Variants in SLC13A3 observed in about 807,000 individuals in gnomAD.
SLC13A3 encodes solute carrier family 13 member 3, also known as Na(+)/dicarboxylate cotransporter 3.
SLC13A3 carries 40 observed loss-of-function variants against 59.0 expected under a neutral mutation model. That is an observed-to-expected ratio of 0.68 (90% confidence interval 0.53 to 0.88). SLC13A3 has a LOEUF of 0.88. SLC13A3 is among the 40% of genes least tolerant of loss of function. The probability of loss-of-function intolerance (pLI) is 0.00; values close to 1 mark genes in which losing one functional copy is unlikely to be tolerated. For missense variants in SLC13A3, 699 were observed against 783.2 expected, an observed-to-expected ratio of 0.89 and a Z score of 1.28; for synonymous variants, 317 against 330.3, an observed-to-expected ratio of 0.96 and a Z score of 0.44.
Position 46,610,504 on chromosome 20 carries a change from A to G in SLC13A3, c.483T>C (p.Ser161=). 1.2e-6 allele frequency: 2 copies of G among 1,613,912 alleles called. No individual in the cohort carries two copies. Among genetic ancestry groups the G allele is most frequent in the Non-Finnish European group, 1.7e-6 (2 of 1,179,996 alleles). The part of the protein sequence containing the change: ...MLPIANAILK[S]LFGQKEVRKD... ...TTCGAACCTCCTTCTGGCCAAAGAG[A>G]CTTTTCAGGATGGCATTGGCAATGG... is the stretch of plus-strand genomic sequence containing the variant. The change falls in exon 3 of 13, where the codon AGT becomes AGC. Residue 161 remains serine (S), a synonymous_variant. Transcript: ENST00000279027.
chr20:46,651,270 C>A (rs1249361980), intron 1 of SLC13A3, 41 bp downstream of exon 1: 2 of 1,456,090 alleles, frequency 1.4e-6, no homozygotes, highest in African/African-American at 1.5e-5. Context: ...GAGGATCCCG[C>A]CTGTGGTTGA....
chr20:46,599,887 A>C, intron 4 of SLC13A3, 84 bp downstream of exon 4: 1 of 1,092,848 alleles, frequency 9.2e-7, no homozygotes, highest in Non-Finnish European at 1.3e-6. Flanking sequence ...GGATGGGAGG[A>C]AAATGGTTTG....
Position 46,568,563 on chromosome 20 carries a change from G to A in SLC13A3, c.1333-2173C>T, listed in dbSNP as rs530702936. On this transcript the variant is annotated intron_variant, in intron 10 of 12. Transcript: ENST00000279027. ...CCCAGAAGAGTCCTCATGAAACTAA[G>A]GTGTTTCTGGTACACCTGCAGTTTG... Among the ~76,000 whole-genome samples, 7 of 152,238 alleles carry A rather than the reference G, an allele frequency of 4.6e-5. 2 individuals carry two copies. In the South Asian group the frequency reaches 1.4e-3, roughly 32 times the overall value.
chr20:46,617,457 C>CT (rs72447416), intron 1 of SLC13A3, among the ~76,000 whole-genome samples: 14,614 of 151,962 alleles, frequency 0.096, 921 homozygotes, highest in African/African-American at 0.17. Flanking sequence ...AACCTGGTCT[C>CT]TAAAAACCAA....
chr20:46,560,284 C>T, intron 12 of SLC13A3, 86 bp from the exon 13 acceptor site: 1 of 1,339,468 alleles, frequency 7.5e-7, no homozygotes, highest in Middle Eastern at 1.8e-4. Flanking sequence ...CAGGAAGTCA[C>T]TCACCCAAGA....
At chr20:46,602,863 T>A (rs2062393454) in intron 3 of SLC13A3, among the ~76,000 whole-genome samples, 3 of 152,190 alleles carry the variant, frequency 2.0e-5, no homozygotes, top group Admixed American at 2.0e-4. Flanking sequence ...GTAACCATTC[T>A]AGGATTGTTA....
intron 1 of SLC13A3, among the ~76,000 whole-genome samples, chr20:46,625,546 T>C (rs1020001758): frequency 6.6e-6 from 1 of 152,230 alleles, no homozygotes; most frequent in Non-Finnish European, 1.5e-5. Flanking sequence ...GTCATATTCA[T>C]ATAGCCACCA....
intron 1 of SLC13A3, among the ~76,000 whole-genome samples, chr20:46,663,046 T>C (rs2063040977): frequency 6.6e-6 from 1 of 152,158 alleles, no homozygotes; most frequent in Non-Finnish European, 1.5e-5. Context: ...TCCCAGCACT[T>C]TGGGAGGCCG....
chr20:46,561,238 T>C (rs1013151401), intron 12 of SLC13A3, among the ~76,000 whole-genome samples: 4 of 152,210 alleles, frequency 2.6e-5, no homozygotes, highest in African/African-American at 7.2e-5. Context: ...AAACCAATGT[T>C]CATCTTACAT....
chr20:46,628,515 G>A (rs1314339818), intron 1 of SLC13A3, among the ~76,000 whole-genome samples: 2 of 152,192 alleles, frequency 1.3e-5, no homozygotes, highest in African/African-American at 2.4e-5. Flanking sequence ...CACAGGGAAG[G>A]AGGCTAGTCC....
intron 3 of SLC13A3, among the ~76,000 whole-genome samples, chr20:46,610,016 A>T (rs2062477857): frequency 6.6e-6 from 1 of 152,176 alleles, no homozygotes; most frequent in Admixed American, 6.5e-5. Context: ...TGTGGCCCCT[A>T]TTCCTGTCAA....
chr20:46,608,872 T>C, intron 3 of SLC13A3: 1 of 1,547,646 alleles, frequency 6.5e-7, no homozygotes, highest in Non-Finnish European at 8.7e-7. Context: ...ATGTGGCTCC[T>C]GTCTTTGGGT....
At chr20:46,630,568 T>C (rs2062726762) in intron 1 of SLC13A3, among the ~76,000 whole-genome samples, 1 of 152,228 alleles carries the variant, frequency 6.6e-6, no homozygotes, top group African/African-American at 2.4e-5. Flanking sequence ...TTGTGGTCTT[T>C]CCTTCTTTCA....
chr20:46,607,628 G>A (rs1383030554), intron 3 of SLC13A3, among the ~76,000 whole-genome samples: 1 of 152,176 alleles, frequency 6.6e-6, no homozygotes, highest in East Asian at 1.9e-4. Flanking sequence ...CACTGTGTGT[G>A]GCCTTGGGCA....
intron 3 of SLC13A3, among the ~76,000 whole-genome samples, chr20:46,608,150 C>T (rs2062454336): frequency 1.3e-5 from 2 of 152,176 alleles, no homozygotes; most frequent in Admixed American, 6.5e-5. Flanking sequence ...CAGTGACCTA[C>T]AATATGCAGC....
chr20:46,665,392 C>T (rs2063057334), intron 1 of SLC13A3, among the ~76,000 whole-genome samples: 1 of 152,166 alleles, frequency 6.6e-6, no homozygotes, highest in Admixed American at 6.5e-5. Context: ...AACAGTCACT[C>T]CCTATCTCCC....
At chr20:46,634,951 C>T (rs753354066) in intron 1 of SLC13A3, among the ~76,000 whole-genome samples, 5 of 152,148 alleles carry the variant, frequency 3.3e-5, no homozygotes, top group Non-Finnish European at 7.3e-5. Flanking sequence ...CTCTCCCGCA[C>T]CTTTGCAGCT....
At chr20:46,599,950 T>A (rs200869942) in intron 4 of SLC13A3, 21 bp downstream of exon 4, 4 of 1,550,948 alleles carry the variant, frequency 2.6e-6, no homozygotes, top group East Asian at 2.3e-5. Context: ...GGGTCCTCTA[T>A]GAATTTCACC....
At position 46,609,126 on chromosome 20, in the gene SLC13A3, CA is replaced by C. The variant is rs549209266; in HGVS notation, c.541+1319del. 416 of 1,481,934 alleles carry C rather than the reference CA, an allele frequency of 2.8e-4. 3 individuals are homozygous for C. In the Middle Eastern group the frequency reaches 0.01, roughly 36 times the overall value. The allele number at this position is 1,481,934 out of a possible 1,614,324, so 91.8% of individuals were successfully genotyped here. On this transcript the variant is annotated intron_variant, in intron 3 of 12. Coordinates refer to ENST00000279027, the MANE Select transcript of SLC13A3 (RefSeq NM_022829.6). The stretch of plus-strand genomic sequence containing the variant: ...ATTTCTGCCCACATATGTATCAATT[CA>C]AATCTTCCTTTTAAAATACAGTTAT...
Sources: allele counts gnomAD v4.1 joint callset (sites outside exome capture counted in the v4.1 genomes callset), GRCh38; gene constraint gnomAD v4.1.1; transcripts MANE v1.5; gene names NCBI Gene and HGNC (gene_info 2026-07-23, HGNC 2026-07-21).